CMTM1: variants seen among roughly 807,000 people sequenced by gnomAD.
The protein encoded by CMTM1 is CKLF-like MARVEL transmembrane domain-containing protein 1.
A neutral mutation model predicts 17.8 loss-of-function variants in CMTM1; 16 were observed. That is an observed-to-expected ratio of 0.90 (90% CI 0.61 to 1.37). CMTM1 has a LOEUF of 1.37. Among genes scored for constraint, CMTM1 ranks in the 40% most tolerant of loss-of-function variants. The pLI, the probability that CMTM1 is intolerant of heterozygous loss-of-function variation, is 0.00. For synonymous variants in CMTM1, 169 were observed against 154.6 expected, an observed-to-expected ratio of 1.09 and a Z score of -0.69; for missense variants, 354 against 375.6, an observed-to-expected ratio of 0.94 and a Z score of 0.47.
intron 3 of CMTM1, among the ~76,000 whole-genome samples, chr16:66,578,579 C>A (rs1241802972): frequency 6.6e-6 from 1 of 152,164 alleles, no homozygotes; most frequent in Non-Finnish European, 1.5e-5. Flanking sequence ...TAGTCCTTTC[C>A]GGGTGCCTCA....
Position 66,566,447 on chromosome 16 carries a change from G to A in CMTM1, c.-67G>A. 3 of 1,492,080 alleles carry A rather than the reference G, an allele frequency of 2.0e-6. No individual in the cohort carries two copies. The highest frequency in any genetic ancestry group is 2.7e-6 in the Non-Finnish European group (3 of 1,122,048). The allele number at this position is 1,492,080 out of a possible 1,614,324, so 92.4% of individuals were successfully genotyped here. A position where few individuals can be genotyped will look rare whatever the true frequency, so the allele number is the denominator to read the frequency against. ...CCAACAGCCGTTGGGACGCGACGCT[G>A]GTTCCCAGGGGAGAGCCAGCCGCTG... On this transcript the variant is annotated 5_prime_UTR_variant, in exon 1 of 4. Transcript: ENST00000379500. The surrounding 1 kb of genome is among the most constrained non-coding windows in gnomAD (Gnocchi z 4.9).
At chr16:66,578,756 T>C in intron 3 of CMTM1, 75 bp from the exon 4 acceptor site, 1 of 1,567,986 alleles carries the variant, frequency 6.4e-7, no homozygotes, top group South Asian at 1.2e-5. Context: ...TGGATAGGGA[T>C]AGGTTCGAGA....
chr16:66,578,188 T>TA (rs2014489816), intron 3 of CMTM1, among the ~76,000 whole-genome samples: 1 of 152,072 alleles, frequency 6.6e-6, no homozygotes, highest in African/African-American at 2.4e-5. Flanking sequence ...CTGCCAGGGG[T>TA]TCCCACCCCC....
intron 2 of CMTM1, among the ~76,000 whole-genome samples, chr16:66,574,259 G>A (rs980990790): frequency 6.6e-6 from 1 of 152,202 alleles, no homozygotes. Flanking sequence ...TCCCACACAT[G>A]GCCAAGCTCA....
At chr16:66,573,690 T>C (rs558034058) in intron 2 of CMTM1, among the ~76,000 whole-genome samples, 46 of 145,948 alleles carry the variant, frequency 3.2e-4, no homozygotes, top group Admixed American at 4.1e-4. Context: ...TTTCTTTTTT[T>C]TTTTTTTTTT....
intron 2 of CMTM1, among the ~76,000 whole-genome samples, chr16:66,570,893 T>C (rs1597160931): frequency 6.6e-6 from 1 of 152,238 alleles, no homozygotes; most frequent in African/African-American, 2.4e-5. Flanking sequence ...AAATTAAATA[T>C]TCTAATGTCC....
chr16:66,569,352 G>A (rs985308432), intron 1 of CMTM1, among the ~76,000 whole-genome samples: 3 of 152,210 alleles, frequency 2.0e-5, no homozygotes, highest in African/African-American at 7.2e-5. Flanking sequence ...GAATGAGTAA[G>A]AAGAGGAAGA....
rs185418981 is a variant in CMTM1 at position 66,566,478 on chromosome 16, G to A, written c.-36G>A. 3.4e-4 allele frequency: 531 copies of A among 1,540,632 alleles called. 1 individual carries two copies. In the African/African-American group the frequency reaches 5.0e-3, roughly 14 times the overall value. ...CAGGGGAGAGCCAGCCGCTGCCGCG[G>A]CACTGGTTCAGACGGCCAGGCCCTA... On this transcript the variant is annotated 5_prime_UTR_variant, in exon 1 of 4. Transcript: ENST00000379500. The surrounding 1 kb of genome is among the most constrained non-coding windows in gnomAD (Gnocchi z 4.9).
At chr16:66,567,380 C>G (rs1201549719) in intron 1 of CMTM1, 1 of 292,424 alleles carries the variant, frequency 3.4e-6, no homozygotes, top group East Asian at 1.0e-4. Flanking sequence ...TTGTTCAACT[C>G]TCACTTATGA....
At position 66,566,522 on chromosome 16, in the gene CMTM1, T is replaced by G. The variant is rs565102464; in HGVS notation, c.9T>G (p.Pro3=). 7.3e-5 allele frequency: 118 copies of G among 1,606,928 alleles called. No individual in the cohort carries two copies. The South Asian group carries it at 1.2e-3, about 17-fold the overall frequency. MD[P]EHAKPESSEA... Reference sequence around the variant, plus strand: ...GGCCCTAGGGACCCACCATGGATCCTGAACACGCCAAACCTGAGTCATCCG... The same window carrying G: ...GGCCCTAGGGACCCACCATGGATCCGGAACACGCCAAACCTGAGTCATCCG... The change falls in exon 1 of 4, where the codon CCT becomes CCG. Residue 3 remains proline (P), a synonymous_variant. Coordinates refer to ENST00000379500, the MANE Select transcript of CMTM1 (RefSeq NM_052999.4). This position sits in a 1 kb window ranked among gnomAD's most constrained non-coding sequence, Gnocchi z 4.9.
At chr16:66,567,202 G>C (rs1285549680) in intron 1 of CMTM1, 2 of 563,012 alleles carry the variant, frequency 3.6e-6, no homozygotes, top group African/African-American at 4.0e-5. Flanking sequence ...TACATGTGTA[G>C]AACGTGCAGT....
At chr16:66,570,129 G>A in intron 2 of CMTM1, 35 bp downstream of exon 2, 2 of 1,537,608 alleles carry the variant, frequency 1.3e-6, no homozygotes, top group Non-Finnish European at 8.8e-7. Flanking sequence ...TCAAATCCAA[G>A]CTTTGCCCTC....
Position 66,573,271 on chromosome 16 carries a change from C to T in CMTM1, c.591+3177C>T, listed in dbSNP as rs141161813. On this transcript the variant is annotated intron_variant, in intron 2 of 3. Coordinates refer to ENST00000379500, the MANE Select transcript of CMTM1 (RefSeq NM_052999.4). ...AATAAAGTTAATTTAAAATTTAAACCCATTTTTACCAGCATAAGTCTGCAT... is the reference window on the plus strand; with the variant it reads ...AATAAAGTTAATTTAAAATTTAAACTCATTTTTACCAGCATAAGTCTGCAT... Among the ~76,000 whole-genome samples the T allele has an allele frequency of 2.7e-3, 412 of 152,204 alleles. 2 individuals are homozygous for T. The highest frequency in any genetic ancestry group is 8.9e-3 in the African/African-American group (371 of 41,508).
chr16:66,566,970 A>C lies in CMTM1; in HGVS notation c.432+25A>C. 1 of 1,613,744 alleles carries C rather than the reference A, an allele frequency of 6.2e-7. No individual in the cohort carries two copies. The highest frequency in any genetic ancestry group is 8.5e-7 in the Non-Finnish European group (1 of 1,179,758). ...GGTGAGCGGAGAGCTGGTGAGACCT[A>C]GCTGGGCGGATGTGGCCGGCAGTGG... is the stretch of plus-strand genomic sequence containing the variant. On this transcript the variant is annotated intron_variant, in intron 1 of 3. Coordinates refer to ENST00000379500, the MANE Select transcript of CMTM1 (RefSeq NM_052999.4). This position sits in a 1 kb window ranked among gnomAD's most constrained non-coding sequence, Gnocchi z 4.9.
intron 2 of CMTM1, chr16:66,575,057 C>T (rs2014061753): frequency 3.0e-6 from 3 of 985,412 alleles, no homozygotes; most frequent in Admixed American, 6.1e-5. Context: ...CCAACCTCCA[C>T]CAGCCCTGCT....
In CMTM1 at chr16:66,570,015, T is replaced by C. The variant is rs747160036; in HGVS notation, c.512T>C (p.Ile171Thr). 8 of 1,612,772 alleles carry C rather than the reference T, an allele frequency of 5.0e-6. No homozygotes were observed. The Admixed American group carries it at 1.3e-4, about 27-fold the overall frequency. The part of the protein sequence containing the change: ...ESFITITSLE[I>T]CIVVFFILIY... ...TTTATAACAATCACAAGTCTGGAAA[T>C]CTGCATTGTCGTTTTTTTTATTCTA... The change falls in exon 2 of 4, where the codon ATC becomes ACC. Residue 171 changes from isoleucine to threonine, a missense_variant. By Grantham distance (89) the Ile-to-Thr change is moderately conservative. Transcript: ENST00000379500.
intron 2 of CMTM1, chr16:66,571,222 C>T (rs1481630992): frequency 2.2e-6 from 1 of 453,352 alleles, no homozygotes; most frequent in South Asian, 1.6e-5. Context: ...GGAGAGGTTT[C>T]TCAGGGGAAA....
chr16:66,566,502 T>TA lies in CMTM1; in HGVS notation c.-11dup. ...GGCACTGGTTCAGACGGCCAGGCCC[T>TA]AGGGACCCACCATGGATCCTGAACA... On this transcript the variant is annotated 5_prime_UTR_variant, in exon 1 of 4. Transcript: ENST00000379500. The surrounding 1 kb of genome is among the most constrained non-coding windows in gnomAD (Gnocchi z 4.9). 1 of 1,588,378 alleles carries TA rather than the reference T, an allele frequency of 6.3e-7. No homozygotes were observed. Among genetic ancestry groups the TA allele is most frequent in the Non-Finnish European group, 8.6e-7 (1 of 1,167,612 alleles).
At chr16:66,572,704 C>T (rs777926929) in intron 2 of CMTM1, among the ~76,000 whole-genome samples, 5 of 152,196 alleles carry the variant, frequency 3.3e-5, no homozygotes, top group Non-Finnish European at 7.3e-5. Flanking sequence ...CACTTCCTTT[C>T]AGCCCTTCCC....
Sources: allele counts gnomAD v4.1 joint callset (sites outside exome capture counted in the v4.1 genomes callset), GRCh38; gene constraint gnomAD v4.1.1; non-coding constraint Gnocchi (gnomAD v3.1); transcripts MANE v1.5; gene names NCBI Gene and HGNC (gene_info 2026-07-23, HGNC 2026-07-21).